The following STX12 variants were observed in gnomAD, a reference collection of about 807,000 sequenced individuals.
STX12 encodes the protein syntaxin-12.
Under a neutral mutation model 42.2 loss-of-function variants are expected in STX12, and 17 were observed. The observed-to-expected ratio is 0.40, with a 90% CI of 0.28 to 0.60. The LOEUF (loss-of-function observed/expected upper bound fraction) is 0.60. Among genes scored for constraint, STX12 ranks in the 20% least tolerant of loss-of-function variants. The pLI is 0.39. For missense variants in STX12, 297 were observed against 330.9 expected (o/e 0.90, Z 0.79); for synonymous variants, 108 against 116.7 (o/e 0.93, Z 0.48).
chr1:27,814,978 A>G (rs1024119169), intron 6 of STX12, among the ~76,000 whole-genome samples: 1 of 152,218 alleles, frequency 6.6e-6, no homozygotes, highest in African/African-American at 2.4e-5. Flanking sequence ...GTAAAAACCA[A>G]TACAGTGTAA....
At chr1:27,773,611 C>G (rs989069009) in intron 1 of STX12, among the ~76,000 whole-genome samples, 186 bp downstream of exon 1, 2 of 152,180 alleles carry the variant, frequency 1.3e-5, no homozygotes, top group African/African-American at 4.8e-5. Context: ...CCCGAGGGTC[C>G]CCGGCCCCAG....
intron 3 of STX12, 24 bp from the exon 4 acceptor site, chr1:27,801,654 C>G: frequency 1.4e-6 from 2 of 1,470,236 alleles, no homozygotes; most frequent in East Asian, 5.3e-5. Flanking sequence ...TATGAAATCT[C>G]AAGTTCTTGC....
At position 27,799,353 on chromosome 1, in the gene STX12, G is replaced by A. The variant is rs558078789; in HGVS notation, c.289-2325G>A. 3.2e-4 allele frequency among the ~76,000 whole-genome samples: 48 copies of A among 152,086 alleles called. 1 individual carries two copies. In the South Asian group the frequency reaches 8.3e-3, roughly 26 times the overall value. On this transcript the variant is annotated intron_variant, in intron 3 of 8. Coordinates refer to ENST00000373943, the MANE Select transcript of STX12 (RefSeq NM_177424.3). Reference sequence around the variant, plus strand: ...TTTTCCATTCCACCTTTGTGTAAACGGTGACCCAGGTCTCATCACAGACTA... The same window carrying A: ...TTTTCCATTCCACCTTTGTGTAAACAGTGACCCAGGTCTCATCACAGACTA...
chr1:27,778,684 G>A (rs748680097), intron 1 of STX12, among the ~76,000 whole-genome samples: 94 of 149,134 alleles, frequency 6.3e-4, no homozygotes, highest in Middle Eastern at 3.2e-3. Flanking sequence ...GCAACAGAGC[G>A]AGATTCCATC....
intron 1 of STX12, 37 bp downstream of exon 1, chr1:27,773,462 C>T: frequency 6.3e-7 from 1 of 1,595,290 alleles, no homozygotes; most frequent in South Asian, 1.1e-5. Flanking sequence ...CGGGAGCTGT[C>T]CCGGGGACAG....
chr1:27,796,818 G>A (rs1052430072), intron 3 of STX12, among the ~76,000 whole-genome samples: 3 of 151,050 alleles, frequency 2.0e-5, no homozygotes, highest in African/African-American at 7.3e-5. Flanking sequence ...CAATTCTCCT[G>A]CCTCAGCCTC....
chr1:27,797,854 G>A (rs2088797253), intron 3 of STX12, among the ~76,000 whole-genome samples: 1 of 148,718 alleles, frequency 6.7e-6, no homozygotes. Context: ...AGCCCTAAGG[G>A]GAAAAAAAAT....
In STX12 at chr1:27,773,241, G is replaced by A. The variant is rs41284286; in HGVS notation, c.-67G>A. ...CTTCCCAGTTTCTCCGTCAGCCTGC[G>A]GGTCCCGGCTGGCGGCTGCTTCCGG... On this transcript the variant is annotated 5_prime_UTR_variant, in exon 1 of 9. Transcript: ENST00000373943. 1.9e-6 allele frequency: 2 copies of A among 1,055,952 alleles called. No individual in the cohort carries two copies. Among genetic ancestry groups the A allele is most frequent in the East Asian group, 2.6e-5 (1 of 38,506 alleles). 65.4% of individuals were successfully genotyped at this position (1,055,952 alleles called of 1,614,324 possible). A position where few individuals can be genotyped will look rare whatever the true frequency, so the allele number is the denominator to read the frequency against.
intron 1 of STX12, among the ~76,000 whole-genome samples, chr1:27,782,873 A>G (rs2088678018): frequency 6.6e-6 from 1 of 152,198 alleles, no homozygotes; most frequent in Non-Finnish European, 1.5e-5. Flanking sequence ...GGTAATTTTC[A>G]TTGTAGTGAT....
chr1:27,803,851 A>G (rs1167903257), intron 4 of STX12, among the ~76,000 whole-genome samples: 1 of 151,948 alleles, frequency 6.6e-6, no homozygotes, highest in Non-Finnish European at 1.5e-5. Flanking sequence ...AAAATACAAA[A>G]TTAGCTGGGC....
At chr1:27,806,037 C>T (rs1438998142) in intron 4 of STX12, among the ~76,000 whole-genome samples, 1 of 151,968 alleles carries the variant, frequency 6.6e-6, no homozygotes. Context: ...GTATTGGTTC[C>T]CTGAGTTATG....
intron 6 of STX12, among the ~76,000 whole-genome samples, chr1:27,817,495 C>T (rs1253697981): frequency 1.3e-5 from 2 of 152,152 alleles, no homozygotes; most frequent in Admixed American, 6.6e-5. Flanking sequence ...TGGTTGTCAT[C>T]GGGAGGCACT....
intron 1 of STX12, among the ~76,000 whole-genome samples, chr1:27,778,845 A>C (rs1402674109): frequency 3.3e-5 from 5 of 152,090 alleles, no homozygotes; most frequent in African/African-American, 1.2e-4. Flanking sequence ...CTGTAACCTC[A>C]AACTCTTGGG....
intron 8 of STX12, 85 bp downstream of exon 8, chr1:27,819,817 A>G: frequency 8.5e-7 from 1 of 1,178,046 alleles, no homozygotes; most frequent in Non-Finnish European, 1.2e-6. Context: ...GAACAGCTAC[A>G]GCCTTTGCTT....
intron 6 of STX12, among the ~76,000 whole-genome samples, chr1:27,815,942 G>A (rs995238525): frequency 2.6e-5 from 4 of 151,946 alleles, no homozygotes; most frequent in African/African-American, 7.3e-5. Flanking sequence ...TTGGGAGGCC[G>A]AGGCAGGCGG....
intron 1 of STX12, among the ~76,000 whole-genome samples, chr1:27,788,521 C>G (rs1383767922): frequency 4.6e-5 from 7 of 152,032 alleles, no homozygotes; most frequent in African/African-American, 1.7e-4. Flanking sequence ...TAGCAAATAT[C>G]TAGGAAAAGG....
At chr1:27,811,993 T>A in intron 5 of STX12, 170 bp from the exon 6 acceptor site, 1 of 685,142 alleles carries the variant, frequency 1.5e-6, no homozygotes, top group Non-Finnish European at 2.7e-6. Flanking sequence ...TATCATCAGC[T>A]CTTTGCTTCT....
chr1:27,820,776 A>G (rs1025302588), intron 8 of STX12, among the ~76,000 whole-genome samples: 4 of 151,908 alleles, frequency 2.6e-5, no homozygotes, highest in African/African-American at 9.7e-5. Context: ...AACCAACCCA[A>G]ATGTCCAACA....
chr1:27,776,270 C>T (rs1452185774), intron 1 of STX12, among the ~76,000 whole-genome samples: 1 of 152,138 alleles, frequency 6.6e-6, no homozygotes, highest in Non-Finnish European at 1.5e-5. Context: ...TTTATAACAA[C>T]TCTGAAGCAC....
Sources: gnomAD v4.1 joint callset for allele counts (sites outside exome capture counted in the v4.1 genomes callset) on GRCh38, gnomAD v4.1.1 for gene constraint, MANE v1.5 for transcripts, NCBI Gene and HGNC (gene_info 2026-07-23, HGNC 2026-07-21) for gene names.